The following CYB5B variants were observed in gnomAD, a reference collection of about 807,000 sequenced individuals.
CYB5B encodes cytochrome b5 type B (outer mitochondrial membrane).
A neutral mutation model predicts 21.3 loss-of-function variants in CYB5B; 14 were observed. The observed-to-expected ratio is 0.66, with a 90% CI of 0.43 to 1.03. The LOEUF is 1.03. Among genes scored for constraint, CYB5B ranks in the 50% least tolerant of loss-of-function variants. CYB5B has a pLI of 0.00. For synonymous variants in CYB5B, 69 were observed against 68.4 expected (o/e 1.01, Z -0.04); for missense variants, 166 against 185.1 (o/e 0.90, Z 0.60).
At chr16:69,430,376 C>G (rs751900381) in intron 1 of CYB5B, among the ~76,000 whole-genome samples, 2 of 151,982 alleles carry the variant, frequency 1.3e-5, no homozygotes, top group African/African-American at 2.4e-5. Flanking sequence ...CTACCACACC[C>G]TGCTAATTTT....
At chr16:69,447,946 G>A (rs907759243) in intron 2 of CYB5B, among the ~76,000 whole-genome samples, 169 bp from the exon 3 acceptor site, 1 of 151,666 alleles carries the variant, frequency 6.6e-6, no homozygotes, top group African/African-American at 2.4e-5. Flanking sequence ...TTCTAACAAG[G>A]GACTCTGATA....
At position 69,447,629 on chromosome 16, in the gene CYB5B, C is replaced by T. The variant is rs570135267; in HGVS notation, c.303+351C>T. 1.5e-4 allele frequency among the ~76,000 whole-genome samples: 19 copies of T among 128,670 alleles called. No homozygotes were observed. In the South Asian group the frequency reaches 2.3e-3, roughly 15 times the overall value. 84.4% of individuals were successfully genotyped at this position (128,670 alleles called of 152,430 possible). ...CTGCACTCCAGCCTGGGTGAAAGAGCGAGACTCTGTCTCAAAAAAAAAAAA... is the reference window on the plus strand; with the variant it reads ...CTGCACTCCAGCCTGGGTGAAAGAGTGAGACTCTGTCTCAAAAAAAAAAAA... On this transcript the variant is annotated intron_variant, in intron 2 of 4. Transcript: ENST00000307892.
chr16:69,425,058 G>A (rs1219432528), intron 1 of CYB5B, among the ~76,000 whole-genome samples: 1 of 152,170 alleles, frequency 6.6e-6, no homozygotes, highest in Non-Finnish European at 1.5e-5. Context: ...TCCGAGTTCT[G>A]GTGCCTTATG....
Position 69,457,564 on chromosome 16 carries a change from A to G in CYB5B, c.334-1529A>G, listed in dbSNP as rs2014995048. 2.0e-5 allele frequency among the ~76,000 whole-genome samples: 3 copies of G among 152,316 alleles called. 1 individual carries two copies. In the South Asian group the frequency reaches 6.2e-4, roughly 32 times the overall value. On this transcript the variant is annotated intron_variant, in intron 3 of 4. Transcript: ENST00000307892. ...AGCATTATAAATTAACTTGATGCAC[A>G]TACTACCATCGCTACCACTCCTACC...
intron 1 of CYB5B, among the ~76,000 whole-genome samples, chr16:69,427,722 G>A (rs931101888): frequency 3.3e-5 from 5 of 151,684 alleles, no homozygotes; most frequent in Non-Finnish European, 7.4e-5. Context: ...CACTGGCTGG[G>A]TGTGGGCTCA....
At chr16:69,450,917 A>G (rs1453057350) in intron 3 of CYB5B, among the ~76,000 whole-genome samples, 1 of 152,192 alleles carries the variant, frequency 6.6e-6, no homozygotes, top group East Asian at 1.9e-4. Context: ...AAATGTTGCT[A>G]TTCCAAAGTG....
intron 1 of CYB5B, among the ~76,000 whole-genome samples, chr16:69,425,462 G>A (rs1222630559): frequency 6.6e-6 from 1 of 151,038 alleles, no homozygotes; most frequent in African/African-American, 2.4e-5. Context: ...AAATATTCAA[G>A]ACTGTTTTAT....
intron 1 of CYB5B, among the ~76,000 whole-genome samples, chr16:69,440,067 G>T (rs1376540081): frequency 1.3e-5 from 2 of 151,706 alleles, no homozygotes; most frequent in African/African-American, 2.4e-5. Context: ...ATAGATCGGG[G>T]TCTTGCTGTG....
chr16:69,438,717 G>A (rs545120184), intron 1 of CYB5B, among the ~76,000 whole-genome samples: 4 of 151,964 alleles, frequency 2.6e-5, no homozygotes, highest in Admixed American at 2.6e-4. Context: ...TATTTACTTT[G>A]AAGAAATGTC....
intron 3 of CYB5B, among the ~76,000 whole-genome samples, chr16:69,457,514 T>C (rs1047967992): frequency 4.6e-5 from 7 of 152,202 alleles, no homozygotes; most frequent in Non-Finnish European, 1.0e-4. Context: ...TCGGTTACTG[T>C]AGTGGAATAT....
intron 3 of CYB5B, chr16:69,450,350 C>T (rs2014920722): frequency 6.6e-6 from 1 of 152,010 alleles, no homozygotes; most frequent in Admixed American, 6.6e-5. Context: ...GTAGTTTAGC[C>T]CCTATCTGGG....
chr16:69,434,138 G>T (rs771016028), intron 1 of CYB5B, among the ~76,000 whole-genome samples: 2 of 152,048 alleles, frequency 1.3e-5, no homozygotes, highest in African/African-American at 4.8e-5. Flanking sequence ...ACTATAGTAC[G>T]TACTCTTCTG....
chr16:69,454,209 A>G (rs2014961951), intron 3 of CYB5B, among the ~76,000 whole-genome samples: 1 of 152,198 alleles, frequency 6.6e-6, no homozygotes, highest in Non-Finnish European at 1.5e-5. Context: ...GAGAGTTTAT[A>G]GCAATTTGTT....
intron 3 of CYB5B, among the ~76,000 whole-genome samples, chr16:69,453,179 T>C (rs945095140): frequency 1.3e-5 from 2 of 152,178 alleles, no homozygotes; most frequent in African/African-American, 4.8e-5. Context: ...GAAGCTTGAC[T>C]TATGAAATCT....
rs377735199 is a variant in CYB5B, at chr16:69,455,328, G to A, written c.334-3765G>A. On this transcript the variant is annotated intron_variant, in intron 3 of 4. Transcript: ENST00000307892. The stretch of plus-strand genomic sequence containing the variant: ...TGTTTTCTCATAAACAAAGTTCATC[G>A]TGAAATCCACACCCATTGACCCCCA... Among the ~76,000 whole-genome samples the A allele has an allele frequency of 2.6e-5, 4 of 151,330 alleles. No homozygotes were observed. The South Asian group carries it at 6.3e-4, about 24-fold the overall frequency.
intron 1 of CYB5B, among the ~76,000 whole-genome samples, chr16:69,442,220 CTTTG>C (rs1439991379): frequency 6.6e-6 from 1 of 152,054 alleles, no homozygotes; most frequent in Non-Finnish European, 1.5e-5. Context: ...CTTTTTCTTT[CTTTG>C]TTTACATGAA....
intron 3 of CYB5B, among the ~76,000 whole-genome samples, chr16:69,453,641 C>T (rs1013957216): frequency 5.3e-5 from 8 of 152,090 alleles, no homozygotes; most frequent in South Asian, 2.1e-4. Context: ...CTGCAACCTC[C>T]GCCTCCTGGG....
chr16:69,455,205 C>T (rs374679495), intron 3 of CYB5B, among the ~76,000 whole-genome samples: 7 of 151,942 alleles, frequency 4.6e-5, no homozygotes, highest in Non-Finnish European at 7.4e-5. Context: ...CCCTGTCTGT[C>T]GTAATGCGTC....
intron 1 of CYB5B, among the ~76,000 whole-genome samples, chr16:69,437,699 C>T (rs1202713301): frequency 6.6e-6 from 1 of 152,066 alleles, no homozygotes; most frequent in African/African-American, 2.4e-5. Flanking sequence ...GCAGTCATCA[C>T]CACCATCTAT....
Sources: gnomAD v4.1 joint callset for allele counts (sites outside exome capture counted in the v4.1 genomes callset) on GRCh38, gnomAD v4.1.1 for gene constraint, MANE v1.5 for transcripts, NCBI Gene and HGNC (gene_info 2026-07-23, HGNC 2026-07-21) for gene names.